Variants in ARRB1 observed in about 807,000 individuals in gnomAD.
ARRB1 encodes the protein arrestin beta 1.
ARRB1 carries 21 observed loss-of-function variants against 56.8 expected under a neutral mutation model. The observed-to-expected ratio is 0.37, with a 90% CI of 0.26 to 0.53. ARRB1 has a LOEUF of 0.53. Ranked by LOEUF, ARRB1 falls within the 20% of genes least tolerant of loss-of-function variation. The pLI is 0.88. For missense variants in ARRB1, 424 were observed against 553.7 expected, an observed-to-expected ratio of 0.77 and a Z score of 2.35; for synonymous variants, 210 against 218.6, an observed-to-expected ratio of 0.96 and a Z score of 0.35.
intron 1 of ARRB1, among the ~76,000 whole-genome samples, chr11:75,334,129 A>G (rs1947564391): frequency 6.6e-6 from 1 of 152,156 alleles, no homozygotes; most frequent in Non-Finnish European, 1.5e-5. Flanking sequence ...CAGAAGTTCA[A>G]GACCAGCCTG....
chr11:75,314,814 C>T (rs1472057426), intron 1 of ARRB1, among the ~76,000 whole-genome samples: 2 of 151,796 alleles, frequency 1.3e-5, no homozygotes, highest in African/African-American at 4.8e-5. Flanking sequence ...ACCATGTTGC[C>T]CAGGCTGGTC....
intron 1 of ARRB1, among the ~76,000 whole-genome samples, chr11:75,350,107 C>A (rs1947824371): frequency 6.6e-6 from 1 of 152,244 alleles, no homozygotes; most frequent in Non-Finnish European, 1.5e-5. Context: ...GCCTGAGTTG[C>A]CTCTGAGCCT....
intron 1 of ARRB1, among the ~76,000 whole-genome samples, chr11:75,330,095 AACAAT>A (rs1444243150): frequency 6.6e-6 from 1 of 152,060 alleles, no homozygotes; most frequent in Admixed American, 6.5e-5. Context: ...TGAACGAACG[AACAAT>A]CTGTCACTCA....
In ARRB1 at chr11:75,351,594, C is replaced by T; in HGVS notation, c.14G>A (p.Gly5Glu). 1 of 1,469,014 alleles carries T rather than the reference C, an allele frequency of 6.8e-7. No individual in the cohort carries two copies. Among genetic ancestry groups the T allele is most frequent in the Middle Eastern group, 2.1e-4 (1 of 4,768 alleles). The allele number at this position is 1,469,014 out of a possible 1,614,324, so 91.0% of individuals were successfully genotyped here. MGDKGTRVFKKASPN... is the reference protein window; with the variant it reads MGDKETRVFKKASPN... ...GCGGCCGCCCTGCACTCACCGGGTC[C>T]CTTTGTCGCCCATGGTCCGCGACGG... Residue 5 changes from glycine (G) to glutamate (E), a missense_variant, in exon 1 of 16, where the codon GGG becomes GAG. This residue lies in a region of ARRB1 where 301 missense variants were observed against 387.9 expected (regional missense o/e 0.78). Transcript: ENST00000420843.
At chr11:75,282,691 G>C (rs1293556098) in intron 5 of ARRB1, among the ~76,000 whole-genome samples, 1 of 152,186 alleles carries the variant, frequency 6.6e-6, no homozygotes, top group Non-Finnish European at 1.5e-5. Context: ...TTTAATTGCT[G>C]CCGAGTTTGT....
chr11:75,300,091 A>G (rs770348610), intron 1 of ARRB1, among the ~76,000 whole-genome samples: 23 of 151,532 alleles, frequency 1.5e-4, no homozygotes, highest in Non-Finnish European at 2.7e-4. Context: ...TGTAATCCCA[A>G]CTACTCAGGA....
At chr11:75,315,662 T>A (rs943515516) in intron 1 of ARRB1, among the ~76,000 whole-genome samples, 3 of 152,134 alleles carry the variant, frequency 2.0e-5, no homozygotes, top group Non-Finnish European at 4.4e-5. Context: ...TTGGTAGGAA[T>A]AAACGGACAC....
intron 10 of ARRB1, among the ~76,000 whole-genome samples, chr11:75,275,470 A>T (rs1292168890): frequency 1.3e-5 from 2 of 152,214 alleles, no homozygotes; most frequent in African/African-American, 2.4e-5. Context: ...AAAAGAAAAA[A>T]TTATAGCTAC....
chr11:75,308,899 GA>G (rs1333638246), intron 1 of ARRB1, among the ~76,000 whole-genome samples: 5 of 152,312 alleles, frequency 3.3e-5, no homozygotes, highest in Admixed American at 3.3e-4. Context: ...CATGCCCAGT[GA>G]TTATTTTAAG....
intron 2 of ARRB1, among the ~76,000 whole-genome samples, chr11:75,287,869 AT>A (rs139815733): frequency 1.8e-4 from 27 of 151,598 alleles, no homozygotes; most frequent in Admixed American, 1.1e-3. Context: ...TTCTTAAATA[AT>A]TTTTTTTTCG....
chr11:75,298,885 A>G (rs1946827121), intron 1 of ARRB1, among the ~76,000 whole-genome samples: 1 of 151,732 alleles, frequency 6.6e-6, no homozygotes, highest in African/African-American at 2.4e-5. Context: ...ATGCTACAAC[A>G]TAATGAACCT....
chr11:75,320,881 C>A (rs1054431051), intron 1 of ARRB1, among the ~76,000 whole-genome samples: 1 of 152,056 alleles, frequency 6.6e-6, no homozygotes, highest in Admixed American at 6.6e-5. Flanking sequence ...ATTCGCAAAG[C>A]CTTCATGGGG....
chr11:75,335,761 G>T (rs1947592685), intron 1 of ARRB1, among the ~76,000 whole-genome samples: 1 of 152,286 alleles, frequency 6.6e-6, no homozygotes, highest in Middle Eastern at 3.4e-3. Flanking sequence ...GGCAAGGGCT[G>T]CCCTATTAAG....
intron 1 of ARRB1, chr11:75,303,784 A>G (rs556722031): frequency 3.5e-4 from 155 of 436,818 alleles, no homozygotes; most frequent in African/African-American, 2.1e-3. Flanking sequence ...ACACATGTGC[A>G]TCTTTCCCTC....
chr11:75,342,240 C>T (rs747815339), intron 1 of ARRB1, among the ~76,000 whole-genome samples: 1 of 152,204 alleles, frequency 6.6e-6, no homozygotes, highest in Admixed American at 6.5e-5. Context: ...TCCCTCTGCA[C>T]TTCCTGCTTC....
chr11:75,281,236 G>A (rs1946329853), intron 6 of ARRB1, 94 bp from the exon 7 acceptor site: 2 of 1,211,076 alleles, frequency 1.7e-6, no homozygotes, highest in African/African-American at 1.5e-5. Flanking sequence ...CGAGGACACT[G>A]GACAGGAACA....
chr11:75,308,188 C>T (rs1487468962), intron 1 of ARRB1, among the ~76,000 whole-genome samples: 60 of 152,202 alleles, frequency 3.9e-4, no homozygotes, highest in Non-Finnish European at 2.9e-5. Flanking sequence ...TAGTTAGCAT[C>T]GATCCACAAA....
At chr11:75,280,729 A>G (rs1348654768) in intron 7 of ARRB1, among the ~76,000 whole-genome samples, 1 of 152,236 alleles carries the variant, frequency 6.6e-6, no homozygotes, top group African/African-American at 2.4e-5. Flanking sequence ...ATGGTCAGGA[A>G]ACAGCCTGCT....
intron 13 of ARRB1, chr11:75,270,890 T>C (rs1255186437): frequency 6.6e-6 from 1 of 152,202 alleles, no homozygotes; most frequent in African/African-American, 2.4e-5. Context: ...TATAAGGCTG[T>C]CAGAGCTATT....
Sources: gnomAD v4.1 joint callset for allele counts (sites outside exome capture counted in the v4.1 genomes callset) on GRCh38, gnomAD v4.1.1 for gene constraint, gnomAD v4.1.1 regional missense constraint, MANE v1.5 for transcripts, NCBI Gene and HGNC (gene_info 2026-07-23, HGNC 2026-07-21) for gene names.